Variants in CDC42SE2 observed in about 807,000 individuals in gnomAD.
CDC42SE2 encodes the protein CDC42 small effector 2, also known as CDC42 small effector protein 2.
Under a neutral mutation model 11.5 loss-of-function variants are expected in CDC42SE2, and 3 were observed. That is an observed-to-expected ratio of 0.26 (90% CI 0.12 to 0.67). The LOEUF (loss-of-function observed/expected upper bound fraction) is 0.67. Among genes scored for constraint, CDC42SE2 ranks in the 30% least tolerant of loss-of-function variants. The probability of loss-of-function intolerance (pLI) is 0.80; values close to 1 mark genes in which losing one functional copy is unlikely to be tolerated. For missense variants in CDC42SE2, 82 were observed against 106.8 expected, an observed-to-expected ratio of 0.77 and a Z score of 1.02; for synonymous variants, 33 against 34.8, an observed-to-expected ratio of 0.95 and a Z score of 0.18.
intron 3 of CDC42SE2, among the ~76,000 whole-genome samples, chr5:131,373,356 T>C (rs1339777068): frequency 6.6e-6 from 1 of 152,194 alleles, no homozygotes; most frequent in Non-Finnish European, 1.5e-5. Context: ...ACTGCCTAAC[T>C]GCGTACAGAG....
intron 1 of CDC42SE2, among the ~76,000 whole-genome samples, chr5:131,307,188 G>T (rs1405129046): frequency 6.6e-6 from 1 of 151,162 alleles, no homozygotes; most frequent in African/African-American, 2.4e-5. Context: ...CTAGCATTAG[G>T]TATATCTTCC....
intron 2 of CDC42SE2, among the ~76,000 whole-genome samples, chr5:131,353,324 C>T (rs1259900387): frequency 7.9e-5 from 12 of 151,216 alleles, no homozygotes; most frequent in East Asian, 1.9e-4. Flanking sequence ...TTCTGTTGCC[C>T]GGGCTGGAGT....
chr5:131,274,066 A>G (rs1032243030), intron 1 of CDC42SE2, among the ~76,000 whole-genome samples: 4 of 152,148 alleles, frequency 2.6e-5, no homozygotes, highest in African/African-American at 9.7e-5. Flanking sequence ...TACTGCGCCC[A>G]GCCTAGAATT....
chr5:131,237,313 A>G, the CDC42SE2 span, among the ~76,000 whole-genome samples: 1 of 152,204 alleles, frequency 6.6e-6, no homozygotes, highest in Non-Finnish European at 1.5e-5. Flanking sequence ...TTGATACAGA[A>G]TTCTATGCTG....
In CDC42SE2 at chr5:131,267,498, G is replaced by A. The variant is rs142624093; in HGVS notation, c.-455+3332G>A. ...TTGCTGGAATATTTGAAATGTTGGT[G>A]TTTTCTTCATCAGGGTATGTGTGTC... On this transcript the variant is annotated intron_variant, in intron 1 of 4. Coordinates refer to ENST00000505065, the MANE Select transcript of CDC42SE2 (RefSeq NM_001375635.1). 2.3e-3 allele frequency among the ~76,000 whole-genome samples: 356 copies of A among 152,198 alleles called. 1 individual carries two copies. The highest frequency in any genetic ancestry group is 7.6e-3 in the African/African-American group (314 of 41,530).
chr5:131,212,689 C>G, the CDC42SE2 span, among the ~76,000 whole-genome samples: 6 of 152,146 alleles, frequency 3.9e-5, no homozygotes, highest in Non-Finnish European at 8.8e-5. Flanking sequence ...TTTCAGATCT[C>G]TTTTCTTTCT....
intron 2 of CDC42SE2, among the ~76,000 whole-genome samples, chr5:131,346,518 C>A (rs1338871555): frequency 6.6e-6 from 1 of 152,122 alleles, no homozygotes; most frequent in African/African-American, 2.4e-5. Flanking sequence ...CCTTAGAGAC[C>A]TACAAAGAGA....
At chr5:131,276,101 A>AT (rs903852701) in intron 1 of CDC42SE2, among the ~76,000 whole-genome samples, 195 of 143,582 alleles carry the variant, frequency 1.4e-3, no homozygotes, top group Middle Eastern at 3.6e-3. Flanking sequence ...TCAAGACAAG[A>AT]TTTTTTTTTT....
intron 2 of CDC42SE2, chr5:131,255,274 G>GT (rs1467493242): frequency 1.3e-5 from 2 of 152,034 alleles, no homozygotes; most frequent in Admixed American, 6.6e-5. Context: ...TTTAAAAAAT[G>GT]TAAAATATAT....
At chr5:131,248,677 G>C (rs909702805) in intron 1 of CDC42SE2, among the ~76,000 whole-genome samples, 1 of 152,030 alleles carries the variant, frequency 6.6e-6, no homozygotes, top group African/African-American at 2.4e-5. Context: ...CAAACAACTA[G>C]AAAACATAAA....
At chr5:131,230,257 G>T in the CDC42SE2 span, among the ~76,000 whole-genome samples, 1 of 152,056 alleles carries the variant, frequency 6.6e-6, no homozygotes, top group Non-Finnish European at 1.5e-5. Context: ...TTAAGGGCAG[G>T]CATCTTTGTC....
chr5:131,263,907 C>G (rs986519055), upstream of CDC42SE2: 1 of 152,112 alleles, frequency 6.6e-6, no homozygotes, highest in African/African-American at 2.4e-5. Flanking sequence ...GGAGGTACGG[C>G]GGGGGCGGGG....
intron 1 of CDC42SE2, among the ~76,000 whole-genome samples, chr5:131,293,674 A>G (rs1188232628): frequency 3.9e-5 from 6 of 151,966 alleles, no homozygotes; most frequent in African/African-American, 1.5e-4. Flanking sequence ...ACAAATTTTC[A>G]TTGTGTATAG....
chr5:131,246,754 T>G (rs1158972539), intron 1 of CDC42SE2, among the ~76,000 whole-genome samples: 1 of 141,060 alleles, frequency 7.1e-6, no homozygotes, highest in Admixed American at 7.8e-5. Flanking sequence ...TATTTTTCAC[T>G]CAAATCCTTT....
At chr5:131,257,310 C>T (rs1043021447) in intron 2 of CDC42SE2, among the ~76,000 whole-genome samples, 20 of 151,334 alleles carry the variant, frequency 1.3e-4, no homozygotes, top group African/African-American at 4.4e-4. Flanking sequence ...TTGGCCAGGC[C>T]GGTCTCAAAC....
the CDC42SE2 span, among the ~76,000 whole-genome samples, chr5:131,212,365 C>G: frequency 6.6e-6 from 1 of 152,124 alleles, no homozygotes; most frequent in East Asian, 1.9e-4. Context: ...GCCTTGGCCT[C>G]CCAAAGTGCT....
At chr5:131,372,132 T>C (rs986496733) in intron 3 of CDC42SE2, among the ~76,000 whole-genome samples, 8 of 152,240 alleles carry the variant, frequency 5.3e-5, no homozygotes, top group African/African-American at 1.7e-4. Flanking sequence ...TATGTACTTA[T>C]GCATATATTC....
At chr5:131,259,112 T>G (rs1756703028), upstream of CDC42SE2, among the ~76,000 whole-genome samples, 1 of 151,622 alleles carries the variant, frequency 6.6e-6, no homozygotes, top group Non-Finnish European at 1.5e-5. Context: ...TTCCTGATTT[T>G]TCTCAATCTT....
Position 131,374,872 on chromosome 5 carries a change from A to G in CDC42SE2, c.55-10671A>G, listed in dbSNP as rs186175168. The stretch of plus-strand genomic sequence containing the variant: ...TAGCTGTGGGACTTTGGCAAGTAAT[A>G]TCTTCCTAGGTACATTGTACATTGT... On this transcript the variant is annotated intron_variant, in intron 3 of 4. Coordinates refer to ENST00000505065, the MANE Select transcript of CDC42SE2 (RefSeq NM_001375635.1). Among the ~76,000 whole-genome samples the G allele has an allele frequency of 2.1e-3, 318 of 152,296 alleles. 2 individuals are homozygous for G. The highest frequency in any genetic ancestry group is 3.0e-3 in the Non-Finnish European group (201 of 68,020).
Sources: gnomAD v4.1 joint callset for allele counts (sites outside exome capture counted in the v4.1 genomes callset) on GRCh38, gnomAD v4.1.1 for gene constraint, MANE v1.5 for transcripts, NCBI Gene and HGNC (gene_info 2026-07-23, HGNC 2026-07-21) for gene names.